Variants in MECOM observed in about 807,000 individuals in gnomAD.
MECOM encodes the protein MDS1 and EVI1 complex locus, also known as histone-lysine N-methyltransferase MECOM.
In MECOM, 13 loss-of-function variants were observed where a neutral mutation model predicts 116.3. The ratio of observed to expected loss-of-function variants is 0.11; its 90% CI spans 0.07 to 0.18. The LOEUF is 0.18. MECOM is among the 10% of genes least tolerant of loss of function. MECOM has a pLI of 1.00. For missense variants in MECOM, 1,299 were observed against 1,509.0 expected (o/e 0.86, Z 2.31); for synonymous variants, 528 against 535.2 (o/e 0.99, Z 0.19).
chr3:169,287,090 T>C (rs1464982085), intron 2 of MECOM, among the ~76,000 whole-genome samples: 2 of 152,320 alleles, frequency 1.3e-5, no homozygotes, highest in Middle Eastern at 3.4e-3. Flanking sequence ...CCTCCGAAGA[T>C]AGAAAATATC....
At chr3:169,621,429 T>TC (rs1284399796) in intron 1 of MECOM, among the ~76,000 whole-genome samples, 1 of 152,178 alleles carries the variant, frequency 6.6e-6, no homozygotes, top group Non-Finnish European at 1.5e-5. Context: ...GTAGAATAGC[T>TC]CTTTGATTTG....
At chr3:169,621,401 A>G (rs1370368825) in intron 1 of MECOM, among the ~76,000 whole-genome samples, 1 of 152,208 alleles carries the variant, frequency 6.6e-6, no homozygotes, top group Non-Finnish European at 1.5e-5. Context: ...AGTAGTCATA[A>G]TAGTAGTAGC....
At chr3:169,428,078 G>C (rs1332234687) in intron 1 of MECOM, among the ~76,000 whole-genome samples, 4 of 152,166 alleles carry the variant, frequency 2.6e-5, no homozygotes, top group Admixed American at 2.6e-4. Flanking sequence ...TACTTGGGAG[G>C]CTGAGGCAGA....
chr3:169,602,676 C>T (rs751318653), intron 1 of MECOM, among the ~76,000 whole-genome samples: 70 of 152,130 alleles, frequency 4.6e-4, no homozygotes, highest in Admixed American at 2.4e-3. Flanking sequence ...GGACTTCTGA[C>T]GTATACCAAA....
At chr3:169,637,146 A>G (rs1772892189) in intron 1 of MECOM, among the ~76,000 whole-genome samples, 1 of 152,188 alleles carries the variant, frequency 6.6e-6, no homozygotes, top group Non-Finnish European at 1.5e-5. Flanking sequence ...GCCATATGCA[A>G]ACATTGATGT....
intron 1 of MECOM, among the ~76,000 whole-genome samples, chr3:169,401,851 G>A (rs1453324897): frequency 6.6e-6 from 1 of 152,230 alleles, no homozygotes; most frequent in African/African-American, 2.4e-5. Flanking sequence ...TGCACATGCA[G>A]AGAAAGAGGC....
intron 1 of MECOM, among the ~76,000 whole-genome samples, chr3:169,615,691 C>T (rs1769910003): frequency 6.6e-6 from 1 of 152,184 alleles, no homozygotes; most frequent in Admixed American, 6.5e-5. Context: ...ATTCCACTGG[C>T]TTCTTAAAGG....
chr3:169,169,260 G>C (rs1744056432), intron 2 of MECOM, among the ~76,000 whole-genome samples: 1 of 151,924 alleles, frequency 6.6e-6, no homozygotes, highest in Non-Finnish European at 1.5e-5. Context: ...TCATATTCTG[G>C]GTCACAGGTC....
At chr3:169,327,105 A>G (rs1464223995) in intron 2 of MECOM, among the ~76,000 whole-genome samples, 10 of 152,228 alleles carry the variant, frequency 6.6e-5, no homozygotes, top group African/African-American at 2.4e-4. Flanking sequence ...ATAGGGTCAG[A>G]TGCAAAAGGC....
chr3:169,355,155 A>T (rs1196522812), intron 2 of MECOM, among the ~76,000 whole-genome samples: 3 of 151,986 alleles, frequency 2.0e-5, no homozygotes, highest in African/African-American at 7.2e-5. Context: ...AAACTTCAGC[A>T]TGAGTGCGAT....
chr3:169,603,270 T>A (rs539998088), intron 1 of MECOM, among the ~76,000 whole-genome samples: 14 of 152,316 alleles, frequency 9.2e-5, no homozygotes, highest in South Asian at 6.2e-4. Flanking sequence ...TAAAGTTTTT[T>A]AAAATTTTTT....
chr3:169,651,982 T>C (rs1774974267), intron 1 of MECOM, among the ~76,000 whole-genome samples: 1 of 152,166 alleles, frequency 6.6e-6, no homozygotes, highest in Non-Finnish European at 1.5e-5. Flanking sequence ...TTAAAAATTA[T>C]TGTGTATAAA....
rs1483844328 is a variant in MECOM at position 169,472,627 on chromosome 3, GAAAAGAAA to G, written c.38-91111_38-91104del. 4.9e-4 allele frequency among the ~76,000 whole-genome samples: 33 copies of G among 67,848 alleles called. 1 individual carries two copies. The highest frequency in any genetic ancestry group is 1.9e-3 in the Admixed American group (11 of 5,726). The allele number at this position is 67,848 out of a possible 152,430, so 44.5% of individuals were successfully genotyped here. On this transcript the variant is annotated intron_variant, in intron 1 of 16. Coordinates refer to ENST00000651503, the MANE Select transcript of MECOM (RefSeq NM_004991.4). ...GGAAAGGAAAGGAAAGAAAAGAAAA[GAAAAGAAA>G]AGGAAAGGAAAGGAAAAGAAAAGAA...
chr3:169,211,344 A>C (rs942135036), intron 2 of MECOM, among the ~76,000 whole-genome samples: 3 of 152,110 alleles, frequency 2.0e-5, no homozygotes, highest in Admixed American at 2.0e-4. Context: ...AATTAAACAC[A>C]CAAACAAAAA....
chr3:169,566,882 A>T (rs1416925782), intron 1 of MECOM, among the ~76,000 whole-genome samples: 1 of 152,260 alleles, frequency 6.6e-6, no homozygotes, highest in Non-Finnish European at 1.5e-5. Context: ...TTAAAATGTC[A>T]TCCAACATGG....
At position 169,155,415 on chromosome 3, in the gene MECOM, T is replaced by C. The variant is rs116764300; in HGVS notation, c.376-11583A>G. Among the ~76,000 whole-genome samples the C allele has an allele frequency of 8.6e-3, 1,304 of 152,248 alleles. 16 individuals are homozygous for C. Among genetic ancestry groups the C allele is most frequent in the African/African-American group, 0.03 (1,243 of 41,564 alleles). On this transcript the variant is annotated intron_variant, in intron 2 of 16. Transcript: ENST00000651503. The stretch of plus-strand genomic sequence containing the variant: ...CCCCAATAAATAGTCATTGGTTCAG[T>C]TGGTCTGTTAAACTGTTTCTACAGG...
intron 1 of MECOM, among the ~76,000 whole-genome samples, chr3:169,652,474 C>T (rs957542291): frequency 2.0e-5 from 3 of 151,976 alleles, no homozygotes; most frequent in Admixed American, 6.5e-5. Flanking sequence ...TGGCTGTTCT[C>T]GGTAAAAGAA....
At chr3:169,645,045 C>A (rs554298278) in intron 1 of MECOM, among the ~76,000 whole-genome samples, 1 of 152,290 alleles carries the variant, frequency 6.6e-6, no homozygotes, top group African/African-American at 2.4e-5. Context: ...CTCAACTAAA[C>A]CTCCGGAACC....
At chr3:169,333,981 T>G (rs531883439) in intron 2 of MECOM, among the ~76,000 whole-genome samples, 1 of 149,260 alleles carries the variant, frequency 6.7e-6, no homozygotes, top group Non-Finnish European at 1.5e-5. Flanking sequence ...CTGTTTACTC[T>G]TTTTGAGGCA....
Sources: gnomAD v4.1 joint callset for allele counts (sites outside exome capture counted in the v4.1 genomes callset) on GRCh38, gnomAD v4.1.1 for gene constraint, MANE v1.5 for transcripts, NCBI Gene and HGNC (gene_info 2026-07-23, HGNC 2026-07-21) for gene names.